Variants in ARHGEF3 observed in about 807,000 individuals in gnomAD.
ARHGEF3 encodes Rho guanine nucleotide exchange factor 3, also known as 59.8 kDA protein.
Under a neutral mutation model 63.2 loss-of-function variants are expected in ARHGEF3, and 28 were observed. The ratio of observed to expected loss-of-function variants is 0.44; its 90% CI spans 0.33 to 0.61. ARHGEF3 has a LOEUF of 0.61. Among genes scored for constraint, ARHGEF3 ranks in the 20% least tolerant of loss-of-function variants. The pLI is 0.03. For missense variants in ARHGEF3, 533 were observed against 659.3 expected, an observed-to-expected ratio of 0.81 and a Z score of 2.10; for synonymous variants, 266 against 254.2, an observed-to-expected ratio of 1.05 and a Z score of -0.44.
chr3:56,758,479 TA>T (rs1399688853), intron 2 of ARHGEF3, among the ~76,000 whole-genome samples: 3 of 151,822 alleles, frequency 2.0e-5, no homozygotes, highest in African/African-American at 7.3e-5. Context: ...ATGAAAAATG[TA>T]AAAAGAAACT....
chr3:56,760,224 T>C (rs979977466), intron 2 of ARHGEF3, among the ~76,000 whole-genome samples: 13 of 152,224 alleles, frequency 8.5e-5, no homozygotes, highest in African/African-American at 3.1e-4. Context: ...GCTATTCAAC[T>C]TTATATTCCT....
chr3:56,927,158 T>TTTC (rs2042296379), intron 3 of ARHGEF3, among the ~76,000 whole-genome samples: 1 of 152,246 alleles, frequency 6.6e-6, no homozygotes, highest in Admixed American at 6.5e-5. Context: ...TGTGCCTCTG[T>TTTC]TTCCTCCTCT....
intron 2 of ARHGEF3, among the ~76,000 whole-genome samples, chr3:57,031,399 T>A (rs996971404): frequency 4.6e-5 from 7 of 152,168 alleles, no homozygotes; most frequent in Non-Finnish European, 8.8e-5. Context: ...AAACAAAAAA[T>A]GCCGTCTTTA....
intron 1 of ARHGEF3, among the ~76,000 whole-genome samples, chr3:56,797,055 C>T (rs2037405884): frequency 1.3e-5 from 2 of 152,064 alleles, no homozygotes; most frequent in South Asian, 4.2e-4. Context: ...ACATGCTAGG[C>T]ACTATGGTTA....
upstream of ARHGEF3, among the ~76,000 whole-genome samples, chr3:56,802,517 G>A (rs1297417894): frequency 6.6e-6 from 1 of 152,088 alleles, no homozygotes; most frequent in Non-Finnish European, 1.5e-5. Context: ...GTTGAGTTCT[G>A]ACAAATGTAA....
At chr3:56,967,192 T>C (rs9840235) in intron 2 of ARHGEF3, among the ~76,000 whole-genome samples, 55,692 of 140,354 alleles carry the variant, frequency 0.4, 11,927 homozygotes, top group Non-Finnish European at 0.47. Context: ...CATTATTCAA[T>C]TGAAATATCA....
intron 4 of ARHGEF3, among the ~76,000 whole-genome samples, chr3:56,866,333 C>T (rs2040246658): frequency 6.6e-6 from 1 of 152,128 alleles, no homozygotes; most frequent in East Asian, 1.9e-4. Context: ...CCTTATTTAC[C>T]TTTTCCGAGT....
chr3:57,034,733 T>C (rs986014763), intron 2 of ARHGEF3, among the ~76,000 whole-genome samples: 1 of 146,000 alleles, frequency 6.8e-6, no homozygotes, highest in South Asian at 2.2e-4. Context: ...CATGGCTCAC[T>C]GCAACCTCAA....
At chr3:56,824,458 A>G (rs2038638822) in intron 4 of ARHGEF3, among the ~76,000 whole-genome samples, 2 of 152,200 alleles carry the variant, frequency 1.3e-5, no homozygotes, top group Non-Finnish European at 2.9e-5. Context: ...GACAACCTTT[A>G]GAGCTCAATC....
At chr3:56,755,219 C>T (rs1163864854) in intron 2 of ARHGEF3, 68 bp from the exon 3 acceptor site, 1 of 1,522,020 alleles carries the variant, frequency 6.6e-7, no homozygotes, top group South Asian at 1.1e-5. Flanking sequence ...TGAGCAGTTT[C>T]CTGTCGTTGA....
At chr3:56,996,890 A>ATTATTTTTT (rs1553801009) in intron 2 of ARHGEF3, among the ~76,000 whole-genome samples, 1 of 136,498 alleles carries the variant, frequency 7.3e-6, no homozygotes, top group Non-Finnish European at 1.6e-5. Flanking sequence ...TATTATTATT[A>ATTATTTTTT]TTTTTTTTTT....
At chr3:56,945,907 C>G (rs146986951) in intron 3 of ARHGEF3, among the ~76,000 whole-genome samples, 6,155 of 152,230 alleles carry the variant, frequency 0.04, 446 homozygotes, top group African/African-American at 0.14. Context: ...CCTCACACGG[C>G]CGGGTACTCC....
chr3:56,797,082 A>G (rs2037406871), intron 1 of ARHGEF3, among the ~76,000 whole-genome samples: 1 of 152,146 alleles, frequency 6.6e-6, no homozygotes, highest in South Asian at 2.1e-4. Context: ...TATATGAAAC[A>G]TCTCGTTTGA....
chr3:57,050,799 C>T (rs913794483), intron 1 of ARHGEF3, among the ~76,000 whole-genome samples: 1 of 152,206 alleles, frequency 6.6e-6, no homozygotes, highest in Non-Finnish European at 1.5e-5. Context: ...ATTGATGGAA[C>T]TGTGCTCATC....
chr3:56,919,851 C>T (rs548677749), intron 3 of ARHGEF3, among the ~76,000 whole-genome samples: 7 of 152,302 alleles, frequency 4.6e-5, no homozygotes, highest in South Asian at 2.1e-4. Flanking sequence ...ACCCATGGCA[C>T]GTGGCCTAGA....
intron 4 of ARHGEF3, among the ~76,000 whole-genome samples, chr3:56,834,774 A>G (rs1246454909): frequency 6.6e-6 from 1 of 151,882 alleles, no homozygotes; most frequent in African/African-American, 2.4e-5. Context: ...AAGAATAACA[A>G]TATCCAGGTA....
rs144634281 is a variant in ARHGEF3 at position 57,065,653 on chromosome 3, G to A, written c.-28+13573C>T. ...ATAAAAGCTATAATAAATGTTTAAT[G>A]TCTTCCAAATACCATGTTCTCATAC... On this transcript the variant is annotated intron_variant, in intron 1 of 12. Coordinates refer to the ARHGEF3 transcript ENST00000338458. 5.2e-3 allele frequency among the ~76,000 whole-genome samples: 799 copies of A among 152,226 alleles called. 26 individuals carry two copies. The highest frequency in any genetic ancestry group is 0.046 in the Admixed American group (706 of 15,278).
At chr3:56,730,235 T>C (rs1033420972) in intron 9 of ARHGEF3, among the ~76,000 whole-genome samples, 1 of 152,046 alleles carries the variant, frequency 6.6e-6, no homozygotes, top group Non-Finnish European at 1.5e-5. Context: ...CATATGAGAG[T>C]ATCTATACAC....
At chr3:57,014,607 G>GT (rs1016674356) in intron 2 of ARHGEF3, among the ~76,000 whole-genome samples, 6 of 151,790 alleles carry the variant, frequency 4.0e-5, no homozygotes, top group African/African-American at 9.7e-5. Context: ...AAACTTTTCA[G>GT]TTTTTTTACA....
Sources: gnomAD v4.1 joint callset for allele counts (sites outside exome capture counted in the v4.1 genomes callset) on GRCh38, gnomAD v4.1.1 for gene constraint, MANE v1.5 for transcripts, NCBI Gene and HGNC (gene_info 2026-07-23, HGNC 2026-07-21) for gene names.